GFRA2: variants seen among roughly 807,000 people sequenced by gnomAD.
The protein encoded by GFRA2 is GDNF family receptor alpha-2.
GFRA2 carries 17 observed loss-of-function variants against 48.3 expected under a neutral mutation model. The observed-to-expected ratio is 0.35, with a 90% CI of 0.24 to 0.53. The LOEUF (loss-of-function observed/expected upper bound fraction) is 0.53, where lower values mean the gene tolerates loss of function less well. Among genes scored for constraint, GFRA2 ranks in the 20% least tolerant of loss-of-function variants. The pLI is 0.93. For synonymous variants in GFRA2, 305 were observed against 257.2 expected (o/e 1.19, Z -1.78); for missense variants, 660 against 637.3 (o/e 1.04, Z -0.38).
chr8:21,785,307 G>A (rs746919728), intron 1 of GFRA2, among the ~76,000 whole-genome samples: 2,866 of 152,200 alleles, frequency 0.019, 50 homozygotes, highest in Non-Finnish European at 0.023. Flanking sequence ...CACCTGGCAC[G>A]TGTGGCCAGG....
intron 4 of GFRA2, among the ~76,000 whole-genome samples, chr8:21,720,368 C>T (rs1375478069): frequency 6.6e-6 from 1 of 152,194 alleles, no homozygotes; most frequent in Non-Finnish European, 1.5e-5. Context: ...TGACTGAGCT[C>T]CTCATCCATA....
intron 1 of GFRA2, chr8:21,805,144 C>T (rs1585354633): frequency 6.6e-6 from 1 of 152,144 alleles, no homozygotes; most frequent in African/African-American, 2.4e-5. Context: ...GGAATGAGCA[C>T]ATAATATTTT....
chr8:21,737,575 T>C lies in GFRA2; in HGVS notation c.794+13013A>G, dbSNP rs372008420. 2.1e-4 allele frequency among the ~76,000 whole-genome samples: 32 copies of C among 152,160 alleles called. 1 individual carries two copies. The South Asian group carries it at 3.1e-3, about 15-fold the overall frequency. On this transcript the variant is annotated intron_variant, in intron 4 of 8. Coordinates refer to ENST00000524240, the MANE Select transcript of GFRA2 (RefSeq NM_001495.5). ...TCCAGGACATCCCAAAGCTCCAACC[T>C]TACGCGCACAGACTCTCCTCCCTCA...
chr8:21,722,691 A>G lies in GFRA2; in HGVS notation c.795-16650T>C, dbSNP rs533487776. On this transcript the variant is annotated intron_variant, in intron 4 of 8. Transcript: ENST00000524240. ...CACGCGTGGCCACACACCCTCAGTG[A>G]AAGAGTCCCCTTTCCCCCCCAGTCA... Among the ~76,000 whole-genome samples, 47 of 152,268 alleles carry G rather than the reference A, an allele frequency of 3.1e-4. No homozygotes were observed. The South Asian group carries it at 9.1e-3, about 30-fold the overall frequency.
upstream of GFRA2, among the ~76,000 whole-genome samples, chr8:21,791,652 G>C (rs371933994): frequency 1.3e-5 from 2 of 152,170 alleles, no homozygotes; most frequent in African/African-American, 4.8e-5. Flanking sequence ...CTATAAAATG[G>C]GGATTAAAAA....
chr8:21,737,435 C>G (rs1804524085), intron 4 of GFRA2, among the ~76,000 whole-genome samples: 1 of 152,126 alleles, frequency 6.6e-6, no homozygotes, highest in African/African-American at 2.4e-5. Context: ...CCACCTGACT[C>G]TACTTCATGC....
upstream of GFRA2, chr8:21,790,024 G>A (rs1216970072): frequency 1.4e-5 from 14 of 968,362 alleles, no homozygotes; most frequent in African/African-American, 5.3e-5. Context: ...TCCTCCCCTA[G>A]CCGGGAAGGG....
Position 21,783,518 on chromosome 8 carries a change from G to A in GFRA2, c.41-619C>T, listed in dbSNP as rs376736469. ...ACATAGCGGTGGAAACACCCCCTCC[G>A]ATTCCCAGTGTACTCACTCTGACTC... On this transcript the variant is annotated intron_variant, in intron 1 of 8. Transcript: ENST00000524240. Among the ~76,000 whole-genome samples, 18 of 152,186 alleles carry A rather than the reference G, an allele frequency of 1.2e-4. No homozygotes were observed. The East Asian group carries it at 2.5e-3, about 21-fold the overall frequency.
upstream of GFRA2, among the ~76,000 whole-genome samples, chr8:21,793,716 CA>C (rs2117104521): frequency 6.6e-6 from 1 of 151,904 alleles, no homozygotes; most frequent in Non-Finnish European, 1.5e-5. Context: ...CCAGCACCCC[CA>C]ACTGGTCAAT....
At chr8:21,715,124 C>T (rs994629701) in intron 4 of GFRA2, among the ~76,000 whole-genome samples, 1 of 152,188 alleles carries the variant, frequency 6.6e-6, no homozygotes, top group Non-Finnish European at 1.5e-5. Flanking sequence ...GATCTTCCAT[C>T]CTTTCCAGTG....
At chr8:21,799,024 A>T (rs745611572) in intron 2 of GFRA2, among the ~76,000 whole-genome samples, 190 of 152,170 alleles carry the variant, frequency 1.2e-3, no homozygotes, top group Non-Finnish European at 2.4e-3. Context: ...TGAGTGTAGA[A>T]TGAATGAATG....
At chr8:21,767,299 C>T (rs1213900257) in intron 3 of GFRA2, among the ~76,000 whole-genome samples, 1 of 151,406 alleles carries the variant, frequency 6.6e-6, no homozygotes, top group Non-Finnish European at 1.5e-5. Context: ...TACATATCTA[C>T]CGCCTCCACA....
chr8:21,749,643 T>C (rs542311848), intron 4 of GFRA2, among the ~76,000 whole-genome samples: 7 of 152,182 alleles, frequency 4.6e-5, no homozygotes, highest in Non-Finnish European at 8.8e-5. Flanking sequence ...GCAGAAACTT[T>C]CTTCAGAAGT....
rs777623577 is a variant in GFRA2 at position 21,693,362 on chromosome 8, G to C, written c.1311C>G (p.Ile437Met). The C allele has an allele frequency of 2.3e-5, 37 of 1,613,090 alleles. No individual in the cohort carries two copies. Among genetic ancestry groups the C allele is most frequent in the Non-Finnish European group, 3.1e-5 (37 of 1,179,432 alleles). Residue 437 changes from isoleucine to methionine, a missense_variant, in exon 9 of 9, where the codon ATC becomes ATG. Physicochemically the swap from Ile to Met is conservative, Grantham distance 10. Transcript: ENST00000524240. ...CTCTGCTGGGGCCTGAGTTAGGTTT[G>C]ATCACCTTGTTACTCCCTGGGATGA... is the stretch of plus-strand genomic sequence containing the variant. ...TNIIPGSNKV[I>M]KPNSGPSRAR...
chr8:21,795,939 C>T (rs914580617), intron 2 of GFRA2, among the ~76,000 whole-genome samples: 5 of 152,188 alleles, frequency 3.3e-5, no homozygotes, highest in African/African-American at 1.2e-4. Flanking sequence ...TTTGTGTCAT[C>T]CAAGACAGAC....
At position 21,711,159 on chromosome 8, in the gene GFRA2, G is replaced by A. The variant is rs1048278402; in HGVS notation, c.795-5118C>T. On this transcript the variant is annotated intron_variant, in intron 4 of 8. Transcript: ENST00000524240. ...TCTCTGTGCCTTCTCTAGACCAAAC[G>A]TCACTCTTCCCTCCAACACCAGGAG... 5.3e-5 allele frequency among the ~76,000 whole-genome samples: 8 copies of A among 152,144 alleles called. No homozygotes were observed. In the East Asian group the frequency reaches 1.3e-3, roughly 26 times the overall value.
intron 4 of GFRA2, among the ~76,000 whole-genome samples, chr8:21,717,917 G>A (rs2117430495): frequency 6.6e-6 from 1 of 152,282 alleles, no homozygotes; most frequent in South Asian, 2.1e-4. Flanking sequence ...CCTAGACCCT[G>A]CACAGAACCA....
intron 7 of GFRA2, among the ~76,000 whole-genome samples, chr8:21,698,094 A>G (rs200602550): frequency 6.6e-6 from 1 of 152,074 alleles, no homozygotes; most frequent in East Asian, 1.9e-4. Flanking sequence ...CCTGGAGCTT[A>G]CTCCATCCCT....
At position 21,766,701 on chromosome 8, in the gene GFRA2, C is replaced by G. The variant is rs137995402; in HGVS notation, c.439+8271G>C. On this transcript the variant is annotated intron_variant, in intron 3 of 8. Coordinates refer to ENST00000524240, the MANE Select transcript of GFRA2 (RefSeq NM_001495.5). ...CCTGGGGGGTCATTCCCCTGATGGTCGGAGCTGAGACTGTTCTGAGCCGCT... is the reference window on the plus strand; with the variant it reads ...CCTGGGGGGTCATTCCCCTGATGGTGGGAGCTGAGACTGTTCTGAGCCGCT... Among the ~76,000 whole-genome samples the G allele has an allele frequency of 8.4e-3, 1,244 of 148,580 alleles. 19 individuals are homozygous for G. Among genetic ancestry groups the G allele is most frequent in the African/African-American group, 0.029 (1,171 of 40,008 alleles).
Sources: allele counts gnomAD v4.1 joint callset (sites outside exome capture counted in the v4.1 genomes callset), GRCh38; gene constraint gnomAD v4.1.1; transcripts MANE v1.5; gene names NCBI Gene and HGNC (gene_info 2026-07-23, HGNC 2026-07-21).